Variants in PDCD1LG2 observed in about 807,000 individuals in gnomAD.
PDCD1LG2 encodes the protein programmed cell death 1 ligand 2.
PDCD1LG2 carries 32 observed loss-of-function variants against 28.2 expected under a neutral mutation model. The ratio of observed to expected loss-of-function variants is 1.13; its 90% CI spans 0.86 to 1.52. The LOEUF (loss-of-function observed/expected upper bound fraction) is 1.52. Among genes scored for constraint, PDCD1LG2 ranks in the 40% most tolerant of loss-of-function variants. The pLI is 0.00. For synonymous variants in PDCD1LG2, 116 were observed against 120.2 expected (o/e 0.97, Z 0.23); for missense variants, 385 against 323.8 (o/e 1.19, Z -1.45).
intron 3 of PDCD1LG2, among the ~76,000 whole-genome samples, chr9:5,538,902 T>A (rs1820636299): frequency 6.6e-6 from 1 of 152,160 alleles, no homozygotes; most frequent in African/African-American, 2.4e-5. Context: ...TTTCAATATA[T>A]ACAATGTATA....
chr9:5,565,398 G>A (rs1816645141), intron 6 of PDCD1LG2, among the ~76,000 whole-genome samples: 1 of 152,054 alleles, frequency 6.6e-6, no homozygotes, highest in Non-Finnish European at 1.5e-5. Flanking sequence ...TGCCCAGGAT[G>A]GTCTCAAACT....
chr9:5,556,430 G>A (rs1389590719), intron 4 of PDCD1LG2, among the ~76,000 whole-genome samples: 1 of 152,180 alleles, frequency 6.6e-6, no homozygotes, highest in East Asian at 1.9e-4. Flanking sequence ...AAATATCTGT[G>A]GGGGCTGAGC....
chr9:5,534,827 T>C lies in PDCD1LG2; in HGVS notation c.138T>C (p.Thr46=). 1.2e-6 allele frequency: 2 copies of C among 1,614,142 alleles called. No individual in the cohort carries two copies. The highest frequency in any genetic ancestry group is 2.2e-5 in the East Asian group (1 of 44,882). The part of the protein sequence containing the change: ...SNVTLECNFD[T]GSHVNLGAIT... ...TGACCCTGGAATGCAACTTTGACAC[T>C]GGAAGTCATGTGAACCTTGGAGCAA... The change falls in exon 3 of 7, where the codon ACT becomes ACC. Residue 46 remains threonine, a synonymous_variant. Transcript: ENST00000397747.
intron 2 of PDCD1LG2, among the ~76,000 whole-genome samples, chr9:5,527,638 C>G (rs959201229): frequency 6.6e-6 from 1 of 152,014 alleles, no homozygotes; most frequent in East Asian, 1.9e-4. Flanking sequence ...TTTTTTTGGG[C>G]AAACCTAGGT....
intron 3 of PDCD1LG2, among the ~76,000 whole-genome samples, chr9:5,540,993 C>T (rs568217352): frequency 9.2e-5 from 14 of 152,196 alleles, no homozygotes; most frequent in Non-Finnish European, 1.5e-4. Context: ...AATCCAACAG[C>T]ATATCAAAAA....
At position 5,549,522 on chromosome 9, in the gene PDCD1LG2, G is replaced by A. The variant is rs2129877253; in HGVS notation, c.549G>A (p.Lys183=). 6.2e-7 allele frequency: 1 copy of A among 1,614,156 alleles called. No homozygotes were observed. The highest frequency in any genetic ancestry group is 2.2e-5 in the East Asian group (1 of 44,888). The change falls in exon 4 of 7, where the codon AAG becomes AAA. Residue 183 remains lysine, a synonymous_variant. Transcript: ENST00000397747. ...LYQVTSVLRL[K]PPPGRNFSCV... ...AGGTCACCAGTGTTCTGCGCCTAAA[G>A]CCACCCCCTGGCAGAAACTTCAGCT...
rs1816742660 is a variant in PDCD1LG2, at chr9:5,570,072, T to C, written c.*113T>C. 7.6e-6 allele frequency: 10 copies of C among 1,318,214 alleles called. No homozygotes were observed. Among genetic ancestry groups the C allele is most frequent in the Non-Finnish European group, 1.1e-5 (10 of 917,326 alleles). The allele number at this position is 1,318,214 out of a possible 1,614,324, so 81.7% of individuals were successfully genotyped here. ...TTGCCATTTGCACTTTTCAAATGCC[T>C]TTGGATGACCCAGCACTTTAATCTG... is the stretch of plus-strand genomic sequence containing the variant. On this transcript the variant is annotated 3_prime_UTR_variant, in exon 7 of 7. Coordinates refer to ENST00000397747, the MANE Select transcript of PDCD1LG2 (RefSeq NM_025239.4).
intron 3 of PDCD1LG2, among the ~76,000 whole-genome samples, chr9:5,537,502 G>A (rs1326445218): frequency 1.3e-5 from 2 of 152,158 alleles, no homozygotes; most frequent in African/African-American, 4.8e-5. Context: ...ACGATAGACT[G>A]GATTAAGAAA....
intron 3 of PDCD1LG2, among the ~76,000 whole-genome samples, chr9:5,546,159 C>G (rs920291376): frequency 1.3e-5 from 2 of 152,110 alleles, no homozygotes; most frequent in African/African-American, 4.8e-5. Context: ...CCTATCTGCT[C>G]CCTCATGTAT....
At chr9:5,516,956 G>A (rs10975155) in intron 1 of PDCD1LG2, among the ~76,000 whole-genome samples, 5,786 of 152,254 alleles carry the variant, frequency 0.038, 153 homozygotes, top group African/African-American at 0.081. Context: ...GGGAGCATGC[G>A]GTTCCCACCC....
intron 6 of PDCD1LG2, among the ~76,000 whole-genome samples, chr9:5,566,430 T>C (rs1040504344): frequency 6.6e-6 from 1 of 152,240 alleles, no homozygotes; most frequent in African/African-American, 2.4e-5. Flanking sequence ...AGTGTGGTCA[T>C]GTAACTCGCT....
intron 1 of PDCD1LG2, among the ~76,000 whole-genome samples, chr9:5,519,822 G>C (rs1263807039): frequency 1.3e-5 from 2 of 152,014 alleles, no homozygotes; most frequent in Non-Finnish European, 2.9e-5. Flanking sequence ...CATCTCCATT[G>C]CCTTAGTGAC....
In PDCD1LG2 at chr9:5,534,883, A is replaced by G. The variant is rs1820550093; in HGVS notation, c.194A>G (p.Asp65Gly). The G allele has an allele frequency of 6.2e-7, 1 of 1,614,054 alleles. No homozygotes were observed. Among genetic ancestry groups the G allele is most frequent in the Non-Finnish European group, 8.5e-7 (1 of 1,180,040 alleles). Residue 65 changes from aspartate (D) to glycine (G), a missense_variant, in exon 3 of 7, where the codon GAT (aspartate) becomes GGT (glycine). Transcript: ENST00000397747. ...ITASLQKVEN[D>G]TSPHRERATL... ...GCCAGTTTGCAAAAGGTGGAAAATG[A>G]TACATCCCCACACCGTGAAAGAGCC...
chr9:5,529,060 T>C (rs1820433543), intron 2 of PDCD1LG2, among the ~76,000 whole-genome samples: 1 of 152,262 alleles, frequency 6.6e-6, no homozygotes, highest in Non-Finnish European at 1.5e-5. Context: ...ACAAGTTCTT[T>C]ATCAGATATT....
In PDCD1LG2 at chr9:5,569,845, C is replaced by A; in HGVS notation, c.817-109C>A. On this transcript the variant is annotated intron_variant, in intron 6 of 6. Coordinates refer to ENST00000397747, the MANE Select transcript of PDCD1LG2 (RefSeq NM_025239.4). The surrounding 1 kb of genome is among the most constrained non-coding windows in gnomAD (Gnocchi z 4.1). ...AAGTTTTAAACCATGCGGCTTCCAG[C>A]TAGATGAACTTTTTTAAAAAAATTA... is the stretch of plus-strand genomic sequence containing the variant. The A allele has an allele frequency of 9.1e-7, 1 of 1,100,758 alleles. No homozygotes were observed. The highest frequency in any genetic ancestry group is 1.4e-6 in the Non-Finnish European group (1 of 726,906). 68.2% of individuals were successfully genotyped at this position (1,100,758 alleles called of 1,614,324 possible).
intron 4 of PDCD1LG2, among the ~76,000 whole-genome samples, chr9:5,555,510 G>T (rs529884198): frequency 1.3e-5 from 2 of 152,314 alleles, no homozygotes; most frequent in Admixed American, 6.5e-5. Context: ...GAGGATACAG[G>T]CTAAGCTACC....
chr9:5,557,818 A>C (rs1816477236), intron 5 of PDCD1LG2, 66 bp downstream of exon 5: 1 of 1,579,772 alleles, frequency 6.3e-7, no homozygotes, highest in African/African-American at 1.4e-5. Flanking sequence ...ACTGCTTTGC[A>C]CTGCAGGCCT....
At chr9:5,536,876 G>C (rs1275814386) in intron 3 of PDCD1LG2, among the ~76,000 whole-genome samples, 1 of 152,198 alleles carries the variant, frequency 6.6e-6, no homozygotes, top group Non-Finnish European at 1.5e-5. Context: ...GCCTGACAAT[G>C]TGCATGCCAG....
At chr9:5,520,937 T>C (rs757666898) in intron 1 of PDCD1LG2, among the ~76,000 whole-genome samples, 1 of 152,170 alleles carries the variant, frequency 6.6e-6, no homozygotes. Context: ...ACTTTATTCA[T>C]AATAGCCAAC....
Sources: gnomAD v4.1 joint callset for allele counts (sites outside exome capture counted in the v4.1 genomes callset) on GRCh38, gnomAD v4.1.1 for gene constraint, Gnocchi (gnomAD v3.1) non-coding constraint, MANE v1.5 for transcripts, NCBI Gene and HGNC (gene_info 2026-07-23, HGNC 2026-07-21) for gene names.